RASA3: variants seen among roughly 807,000 people sequenced by gnomAD.
The protein encoded by RASA3 is ras GTPase-activating protein 3.
A neutral mutation model predicts 110.0 loss-of-function variants in RASA3; 73 were observed. The observed-to-expected ratio is 0.66, with a 90% CI of 0.55 to 0.81. The LOEUF is 0.81. Ranked by LOEUF, RASA3 falls within the 30% of genes least tolerant of loss-of-function variation. The pLI is 0.00. For missense variants in RASA3, 976 were observed against 1,113.2 expected, an observed-to-expected ratio of 0.88 and a Z score of 1.75; for synonymous variants, 500 against 451.4, an observed-to-expected ratio of 1.11 and a Z score of -1.37.
At chr13:114,033,393 AC>A (rs1594358892) in intron 4 of RASA3, among the ~76,000 whole-genome samples, 2 of 124,624 alleles carry the variant, frequency 1.6e-5, no homozygotes, top group Non-Finnish European at 3.3e-5. Flanking sequence ...GTTCCATGGC[AC>A]CCCCACACTT....
chr13:114,051,568 C>T (rs2079146994), intron 3 of RASA3, among the ~76,000 whole-genome samples: 1 of 152,206 alleles, frequency 6.6e-6, no homozygotes, highest in Admixed American at 6.5e-5. Flanking sequence ...TCCAAACACA[C>T]CATCTCCTGG....
At position 114,050,292 on chromosome 13, in the gene RASA3, C is replaced by T. The variant is rs913482433; in HGVS notation, c.277+1760G>A. 2.0e-5 allele frequency among the ~76,000 whole-genome samples: 3 copies of T among 152,198 alleles called. No individual in the cohort carries two copies. The South Asian group carries it at 6.2e-4, about 32-fold the overall frequency. On this transcript the variant is annotated intron_variant, in intron 3 of 23. Transcript: ENST00000334062. ...AGACCCTGAAGGGGGGTCAGGTGCC[C>T]GCTGCACTCAGACACCTTCTGCAGC...
intron 1 of RASA3, among the ~76,000 whole-genome samples, chr13:114,106,006 G>A (rs1267493210): frequency 6.6e-6 from 1 of 152,170 alleles, no homozygotes; most frequent in East Asian, 1.9e-4. Context: ...ATTCCTCTGG[G>A]GCCACGGCAG....
chr13:114,002,169 GGAGA>G (rs1454842157), intron 18 of RASA3, among the ~76,000 whole-genome samples: 1 of 152,270 alleles, frequency 6.6e-6, no homozygotes, highest in African/African-American at 2.4e-5. Flanking sequence ...AAGCCAAGCT[GGAGA>G]GACAGAGTGG....
intron 23 of RASA3, 44 bp from the exon 24 acceptor site, chr13:113,979,466 G>A: frequency 6.8e-7 from 1 of 1,474,076 alleles, no homozygotes; most frequent in Non-Finnish European, 9.5e-7. Flanking sequence ...AGACCCCGTT[G>A]CCTGGTGCTC....
chr13:114,027,678 C>A (rs1238875792), intron 6 of RASA3, among the ~76,000 whole-genome samples, 169 bp downstream of exon 6: 1 of 152,186 alleles, frequency 6.6e-6, no homozygotes, highest in Non-Finnish European at 1.5e-5. Flanking sequence ...TCATTTTCTA[C>A]AAAGCAATTT....
chr13:114,080,223 T>A (rs994227500), intron 1 of RASA3, among the ~76,000 whole-genome samples: 2 of 152,058 alleles, frequency 1.3e-5, no homozygotes, highest in Non-Finnish European at 2.9e-5. Context: ...GGGTTATGAA[T>A]GACAGAAGCC....
intron 22 of RASA3, among the ~76,000 whole-genome samples, chr13:113,982,462 C>T (rs897914915): frequency 8.5e-5 from 13 of 152,254 alleles, no homozygotes; most frequent in African/African-American, 2.7e-4. Context: ...CCTTCCTAAT[C>T]GGACCACATC....
rs1566475135 is a variant in RASA3, at chr13:114,011,720, C to T, written c.1513-472G>A. ...GGTAGATCACTTGAGGTCAGGAGTT[C>T]GAGACCAGCCTGGCCAACATGGTAA... On this transcript the variant is annotated intron_variant, in intron 15 of 23. Coordinates refer to ENST00000334062, the MANE Select transcript of RASA3 (RefSeq NM_007368.4). The surrounding 1 kb of genome is among the most constrained non-coding windows in gnomAD (Gnocchi z 4.8). 6.6e-6 allele frequency among the ~76,000 whole-genome samples: 1 copy of T among 152,074 alleles called. No homozygotes were observed. The highest frequency in any genetic ancestry group is 1.5e-5 in the Non-Finnish European group (1 of 67,996).
intron 1 of RASA3, among the ~76,000 whole-genome samples, chr13:114,119,258 A>C (rs1381790696): frequency 6.6e-6 from 1 of 152,220 alleles, no homozygotes; most frequent in African/African-American, 2.4e-5. Flanking sequence ...ATTTCCATAA[A>C]CACATTCTTG....
rs571069422 is a variant in RASA3 at position 114,066,742 on chromosome 13, G to A, written c.173+6978C>T. On this transcript the variant is annotated intron_variant, in intron 2 of 23. Coordinates refer to ENST00000334062, the MANE Select transcript of RASA3 (RefSeq NM_007368.4). ...GCGCTCCTGTGAGCCAGCATGACAC[G>A]GAAGGACACACACATGCAGGTGGAG... Among the ~76,000 whole-genome samples the A allele has an allele frequency of 7.9e-5, 12 of 152,340 alleles. No individual in the cohort carries two copies. The East Asian group carries it at 1.7e-3, about 22-fold the overall frequency.
chr13:114,017,794 AGCTG>A (rs1363353284), intron 11 of RASA3, among the ~76,000 whole-genome samples: 1 of 152,154 alleles, frequency 6.6e-6, no homozygotes, highest in Non-Finnish European at 1.5e-5. Flanking sequence ...TCCTGAGGGA[AGCTG>A]TGCTCCATTT....
chr13:114,032,174 T>G (rs953626038), intron 4 of RASA3, among the ~76,000 whole-genome samples: 2 of 151,976 alleles, frequency 1.3e-5, no homozygotes, highest in African/African-American at 4.8e-5. Context: ...ACCAAACAGA[T>G]CTACCAACAC....
At chr13:114,058,725 C>T (rs2079288285) in intron 2 of RASA3, among the ~76,000 whole-genome samples, 1 of 152,276 alleles carries the variant, frequency 6.6e-6, no homozygotes. Context: ...CCGCAGTCCC[C>T]AGGGACCAAG....
Position 114,007,405 on chromosome 13 carries a change from CG to C in RASA3, c.1742+127del, listed in dbSNP as rs2053537205. The stretch of plus-strand genomic sequence containing the variant: ...CCTTCTCCCCTCCTGCCCTGCTGGA[CG>C]CCACCTTACCCTTCTCCCCTCCTGC... On this transcript the variant is annotated intron_variant, in intron 18 of 23. Transcript: ENST00000334062. The C allele has an allele frequency of 7.2e-5, 14 of 194,964 alleles. 1 individual carries two copies. The highest frequency in any genetic ancestry group is 9.4e-5 in the Non-Finnish European group (11 of 117,632). The allele number at this position is 194,964 out of a possible 1,614,324, so 12.1% of individuals were successfully genotyped here.
At chr13:114,012,440 C>A (rs2053654634) in intron 15 of RASA3, among the ~76,000 whole-genome samples, 1 of 147,612 alleles carries the variant, frequency 6.8e-6, no homozygotes, top group Admixed American at 6.7e-5. Flanking sequence ...GTCTTCCACA[C>A]TCCCCACTCC....
intron 23 of RASA3, among the ~76,000 whole-genome samples, chr13:113,979,744 AGTGT>A (rs2052865126): frequency 1.3e-5 from 2 of 152,098 alleles, no homozygotes; most frequent in Non-Finnish European, 2.9e-5. Context: ...CACTGCAAAG[AGTGT>A]GCTCATGTGT....
At chr13:113,997,099 C>T (rs1454468946) in intron 20 of RASA3, among the ~76,000 whole-genome samples, 1 of 152,238 alleles carries the variant, frequency 6.6e-6, no homozygotes, top group Non-Finnish European at 1.5e-5. Context: ...CCACAAGGCC[C>T]TCCTGCAGCT....
chr13:113,980,606 A>G (rs1185268031), intron 23 of RASA3, among the ~76,000 whole-genome samples: 4 of 152,276 alleles, frequency 2.6e-5, no homozygotes, highest in Non-Finnish European at 5.9e-5. Flanking sequence ...GGACCTGCTG[A>G]TATCAACGAG....
Sources: gnomAD v4.1 joint callset for allele counts (sites outside exome capture counted in the v4.1 genomes callset) on GRCh38, gnomAD v4.1.1 for gene constraint, Gnocchi (gnomAD v3.1) non-coding constraint, MANE v1.5 for transcripts, NCBI Gene and HGNC (gene_info 2026-07-23, HGNC 2026-07-21) for gene names.